Variants in WDPCP observed in about 807,000 individuals in gnomAD.
WDPCP encodes WD repeat containing planar cell polarity effector.
A neutral mutation model predicts 93.1 loss-of-function variants in WDPCP; 71 were observed. The ratio of observed to expected loss-of-function variants is 0.76; its 90% CI spans 0.63 to 0.93. The LOEUF is 0.93. Ranked by LOEUF, WDPCP falls within the 40% of genes least tolerant of loss-of-function variation. WDPCP has a pLI of 0.00. For missense variants in WDPCP, 844 were observed against 887.4 expected (o/e 0.95, Z 0.62); for synonymous variants, 315 against 315.0 (o/e 1.00, Z 0.00).
At chr2:63,382,450 A>C (rs1037078904) in intron 10 of WDPCP, among the ~76,000 whole-genome samples, 1 of 152,020 alleles carries the variant, frequency 6.6e-6, no homozygotes, top group African/African-American at 2.4e-5. Flanking sequence ...AGCAAAAAAA[A>C]CCAAGGTTTT....
At chr2:63,205,469 C>G (rs183596083) in intron 14 of WDPCP, among the ~76,000 whole-genome samples, 3 of 152,170 alleles carry the variant, frequency 2.0e-5, no homozygotes, top group Non-Finnish European at 4.4e-5. Flanking sequence ...CATGGAATAT[C>G]TTTCTACTTT....
chr2:63,138,206 T>A (rs1670782864), intron 17 of WDPCP, among the ~76,000 whole-genome samples: 1 of 151,816 alleles, frequency 6.6e-6, no homozygotes, highest in Non-Finnish European at 1.5e-5. Flanking sequence ...TTTGTACTCA[T>A]CCTTAATTAT....
chr2:63,576,154 T>C (rs1368254586), intron 1 of WDPCP, among the ~76,000 whole-genome samples: 1 of 152,194 alleles, frequency 6.6e-6, no homozygotes. Context: ...CGTTGTCCTA[T>C]AATTTAAGTC....
chr2:63,499,578 A>G (rs1299701013), intron 1 of WDPCP, among the ~76,000 whole-genome samples: 1 of 152,228 alleles, frequency 6.6e-6, no homozygotes, highest in Non-Finnish European at 1.5e-5. Context: ...AACAGACAAC[A>G]CTAATATTCA....
Position 63,696,261 on chromosome 2 carries a change from G to A in WDPCP, n.309-45423C>T, listed in dbSNP as rs192616516. The stretch of plus-strand genomic sequence containing the variant: ...AGAACTAGGCATTTGACACACTCCC[G>A]CATGCACATCTTCATGGAAGTGATC... On this transcript the variant is annotated intron_variant and non_coding_transcript_variant, in intron 2 of 4. Transcript: ENST00000467687. Among the ~76,000 whole-genome samples the A allele has an allele frequency of 4.5e-3, 691 of 152,158 alleles. 21 individuals are homozygous for A. Among genetic ancestry groups the A allele is most frequent in the Admixed American group, 0.038 (583 of 15,284 alleles).
chr2:63,298,377 G>A (rs1426905422), intron 13 of WDPCP, among the ~76,000 whole-genome samples: 1 of 151,906 alleles, frequency 6.6e-6, no homozygotes, highest in South Asian at 2.1e-4. Context: ...CGCCAGAAGA[G>A]ATTAACATTT....
intron 15 of WDPCP, among the ~76,000 whole-genome samples, chr2:63,156,192 G>A (rs537021351): frequency 2.6e-5 from 4 of 151,574 alleles, no homozygotes; most frequent in Admixed American, 6.6e-5. Flanking sequence ...TAACAGAGAC[G>A]GTGTTTCACC....
chr2:63,661,342 T>C (rs970135182), intron 2 of WDPCP, among the ~76,000 whole-genome samples: 1 of 152,182 alleles, frequency 6.6e-6, no homozygotes, highest in African/African-American at 2.4e-5. Context: ...TTATAAGCTG[T>C]TGGGTTCTTG....
At chr2:63,790,216 C>G (rs921477608) in intron 2 of WDPCP, among the ~76,000 whole-genome samples, 1 of 152,164 alleles carries the variant, frequency 6.6e-6, no homozygotes, top group African/African-American at 2.4e-5. Context: ...GATGGGGTAG[C>G]CAGTCCTCAC....
chr2:63,782,820 G>A (rs1035881986), intron 2 of WDPCP, among the ~76,000 whole-genome samples: 2 of 151,134 alleles, frequency 1.3e-5, no homozygotes, highest in African/African-American at 4.9e-5. Context: ...AGGACAACCT[G>A]GAGCCATCAC....
At chr2:63,275,597 A>G (rs1211623169) in intron 13 of WDPCP, among the ~76,000 whole-genome samples, 1 of 152,236 alleles carries the variant, frequency 6.6e-6, no homozygotes, top group African/African-American at 2.4e-5. Flanking sequence ...TATATCAATA[A>G]TGAACTAGCT....
intron 12 of WDPCP, among the ~76,000 whole-genome samples, chr2:63,363,184 A>C (rs977669581): frequency 3.3e-5 from 5 of 152,188 alleles, no homozygotes; most frequent in African/African-American, 1.2e-4. Context: ...TCCACTTTGC[A>C]ATACCCAGAA....
At chr2:63,131,283 C>G (rs529879202) in intron 17 of WDPCP, among the ~76,000 whole-genome samples, 40 of 151,804 alleles carry the variant, frequency 2.6e-4, no homozygotes, top group African/African-American at 9.2e-4. Context: ...TTACTGCCCT[C>G]CCTTTGTAAT....
At chr2:63,565,084 A>C (rs753745956) in intron 1 of WDPCP, among the ~76,000 whole-genome samples, 3 of 152,080 alleles carry the variant, frequency 2.0e-5, no homozygotes, top group African/African-American at 4.8e-5. Context: ...CCAAAACTGC[A>C]CTTTTTAAAA....
intron 14 of WDPCP, among the ~76,000 whole-genome samples, chr2:63,224,732 GGAGA>G (rs1225249507): frequency 6.6e-6 from 1 of 151,986 alleles, no homozygotes; most frequent in South Asian, 2.1e-4. Context: ...GGACTAGGGA[GGAGA>G]GAGAGATGAA....
At chr2:63,275,405 T>C (rs1311899233) in intron 13 of WDPCP, among the ~76,000 whole-genome samples, 1 of 152,060 alleles carries the variant, frequency 6.6e-6, no homozygotes, top group Non-Finnish European at 1.5e-5. Flanking sequence ...CTTACACCAC[T>C]CCTGATCAGT....
intron 14 of WDPCP, among the ~76,000 whole-genome samples, chr2:63,217,721 T>C (rs1677470732): frequency 6.6e-6 from 1 of 152,206 alleles, no homozygotes; most frequent in African/African-American, 2.4e-5. Context: ...CACACATTGA[T>C]GGGTTTAGAT....
rs1558833112 is a variant in WDPCP at position 63,575,479 on chromosome 2, G to GTATATACAC, written c.75+12717_75+12718insGTGTATATA. ...ATACAGTATATATGCAGTATATACA[G>GTATATACAC]TGTATATATAGTATATACAGTATAT... is the stretch of plus-strand genomic sequence containing the variant. On this transcript the variant is annotated intron_variant, in intron 1 of 17. Transcript: ENST00000272321. Among the ~76,000 whole-genome samples the GTATATACAC allele has an allele frequency of 2.4e-3, 6 of 2,526 alleles. 1 individual carries two copies. Among genetic ancestry groups the GTATATACAC allele is most frequent in the African/African-American group, 4.7e-3 (4 of 848 alleles). 1.7% of individuals were successfully genotyped at this position (2,526 alleles called of 152,430 possible). A position where few individuals can be genotyped will look rare whatever the true frequency, so the allele number is the denominator to read the frequency against.
At chr2:63,584,917 T>A (rs1708737565) in intron 1 of WDPCP, among the ~76,000 whole-genome samples, 1 of 152,174 alleles carries the variant, frequency 6.6e-6, no homozygotes, top group African/African-American at 2.4e-5. Flanking sequence ...TCCTGATGAA[T>A]AATGTTTTAT....
Sources: gnomAD v4.1 joint callset for allele counts (sites outside exome capture counted in the v4.1 genomes callset) on GRCh38, gnomAD v4.1.1 for gene constraint, MANE v1.5 for transcripts, NCBI Gene and HGNC (gene_info 2026-07-23, HGNC 2026-07-21) for gene names.